FABP9: variants seen among roughly 807,000 people sequenced by gnomAD.
The protein encoded by FABP9 is fatty acid-binding protein 9.
FABP9 carries 11 observed loss-of-function variants against 14.7 expected under a neutral mutation model. The observed-to-expected ratio is 0.75, with a 90% confidence interval of 0.47 to 1.24. The LOEUF (loss-of-function observed/expected upper bound fraction) is 1.24, where lower values mean the gene tolerates loss of function less well. Among genes scored for constraint, FABP9 ranks in the 50% most tolerant of loss-of-function variants. The probability of loss-of-function intolerance (pLI) is 0.00; values close to 1 mark genes in which losing one functional copy is unlikely to be tolerated. For missense variants in FABP9, 171 were observed against 158.2 expected, an observed-to-expected ratio of 1.08 and a Z score of -0.44; for synonymous variants, 54 against 50.6, an observed-to-expected ratio of 1.07 and a Z score of -0.29.
chr8:81,459,357 T>C lies in FABP9; in HGVS notation c.74-20A>G. ...TCACTCCTACAAGACAGAGATAGCC[T>C]TGGACCTTATTAAGACATTGTTAAC... is the stretch of plus-strand genomic sequence containing the variant. On this transcript the variant is annotated intron_variant, in intron 1 of 3. Coordinates refer to ENST00000379071, the MANE Select transcript of FABP9 (RefSeq NM_001080526.2). The C allele has an allele frequency of 6.7e-7, 1 of 1,489,976 alleles. No individual in the cohort carries two copies. The highest frequency in any genetic ancestry group is 8.9e-7 in the Non-Finnish European group (1 of 1,129,280). 92.3% of individuals were successfully genotyped at this position (1,489,976 alleles called of 1,614,324 possible). A position where few individuals can be genotyped will look rare whatever the true frequency, so the allele number is the denominator to read the frequency against.
At chr8:81,459,643 T>C (rs1205262970) in intron 1 of FABP9, among the ~76,000 whole-genome samples, 1 of 152,158 alleles carries the variant, frequency 6.6e-6, no homozygotes, top group Non-Finnish European at 1.5e-5. Context: ...TACGATAACC[T>C]TGTGGGTGCG....
chr8:81,458,839 A>G (rs570246922), intron 2 of FABP9, 136 bp from the exon 3 acceptor site: 6 of 656,854 alleles, frequency 9.1e-6, no homozygotes, highest in African/African-American at 7.4e-5. Context: ...ATGTAGTACT[A>G]TCAAACTAGA....
rs1807627655 is a variant in FABP9 at position 81,458,408 on chromosome 8, C to T, written c.374G>A (p.Ser125Asn). Residue 125 changes from serine to asparagine, a missense_variant, in exon 4 of 4, where the codon AGC becomes AAC. Physicochemically the swap from Ser to Asn is conservative, Grantham distance 46. Coordinates refer to ENST00000379071, the MANE Select transcript of FABP9 (RefSeq NM_001080526.2). ...VVECKMNNIV[S>N]TRIYEKV ...TCACACCTTTTCGTAGATTCTGGTG[C>T]TGACAATATTATTCATTTTACATTC... 6.2e-7 allele frequency: 1 copy of T among 1,612,488 alleles called. No homozygotes were observed. Among genetic ancestry groups the T allele is most frequent in the Non-Finnish European group, 8.5e-7 (1 of 1,178,642 alleles).
rs368687425 is a variant in FABP9, at chr8:81,461,336, T to C, written c.73+115A>G. 27 of 784,934 alleles carry C rather than the reference T, an allele frequency of 3.4e-5. 1 individual carries two copies. Among genetic ancestry groups the C allele is most frequent in the East Asian group, 1.2e-4 (5 of 40,924 alleles). 48.6% of individuals were successfully genotyped at this position (784,934 alleles called of 1,614,324 possible). A position where few individuals can be genotyped will look rare whatever the true frequency, so the allele number is the denominator to read the frequency against. On this transcript the variant is annotated intron_variant, in intron 1 of 3. Coordinates refer to ENST00000379071, the MANE Select transcript of FABP9 (RefSeq NM_001080526.2). ...TAGAAGCATACATTGTGTTAGTCTA[T>C]ATACCCTAGGATCACAAAAGGAAGA...
Position 81,458,380 on chromosome 8 carries a change from T to C in FABP9, c.*3A>G, listed in dbSNP as rs765939965. Reference sequence around the variant, plus strand: ...ACAAGTTTTCATTGCTGTGGACCTTTCTTCACACCTTTTCGTAGATTCTGG... The same window carrying C: ...ACAAGTTTTCATTGCTGTGGACCTTCCTTCACACCTTTTCGTAGATTCTGG... On this transcript the variant is annotated 3_prime_UTR_variant, in exon 4 of 4. Coordinates refer to ENST00000379071, the MANE Select transcript of FABP9 (RefSeq NM_001080526.2). 3.7e-6 allele frequency: 6 copies of C among 1,609,818 alleles called. No homozygotes were observed. Among genetic ancestry groups the C allele is most frequent in the Non-Finnish European group, 5.1e-6 (6 of 1,176,178 alleles).
At chr8:81,458,484 G>A in intron 3 of FABP9, 51 bp from the exon 4 acceptor site, 1 of 1,527,236 alleles carries the variant, frequency 6.5e-7, no homozygotes, top group Non-Finnish European at 9.1e-7. Context: ...GGCTAAACTT[G>A]CCCTGCCCCT....
In FABP9 at chr8:81,461,491, C is replaced by G. The variant is rs200783384; in HGVS notation, c.33G>C (p.Leu11=). MVEPFLGTWK[L]VSSENFEDYM... Reference sequence around the variant, plus strand: ...AATCCTCAAAGTTTTCACTGGAGACCAGCTTCCAGGTTCCCAAGAAGGGCT... The same window carrying G: ...AATCCTCAAAGTTTTCACTGGAGACGAGCTTCCAGGTTCCCAAGAAGGGCT... Residue 11 remains leucine, a synonymous_variant, in exon 1 of 4, where the codon CTG becomes CTC. Transcript: ENST00000379071. 4.3e-6 allele frequency: 7 copies of G among 1,613,638 alleles called. No homozygotes were observed. The highest frequency in any genetic ancestry group is 1.1e-5 in the South Asian group (1 of 91,072).
chr8:81,459,506 T>G (rs895618250), intron 1 of FABP9, among the ~76,000 whole-genome samples, 169 bp from the exon 2 acceptor site: 8 of 152,224 alleles, frequency 5.3e-5, no homozygotes, highest in African/African-American at 1.9e-4. Context: ...CTCCCAGTCA[T>G]AAGGTATATA....
Position 81,458,266 on chromosome 8 carries a change from T to A in FABP9, c.*117A>T, listed in dbSNP as rs1807625411. ...TTCAAAACTGCACTTAATTTGATGC[T>A]TTTATTAAGCAAATTTATATTGAGA... On this transcript the variant is annotated 3_prime_UTR_variant, in exon 4 of 4. Transcript: ENST00000379071. 2.5e-6 allele frequency: 2 copies of A among 789,538 alleles called. No individual in the cohort carries two copies. The highest frequency in any genetic ancestry group is 3.5e-5 in the African/African-American group (2 of 57,658). The allele number at this position is 789,538 out of a possible 1,614,324, so 48.9% of individuals were successfully genotyped here.
chr8:81,459,281 T>A lies in FABP9; in HGVS notation c.130A>T (p.Ser44Cys). The change falls in exon 2 of 4, where the codon AGT becomes TGT. Residue 44 changes from serine (S) to cysteine (C), a missense_variant. By Grantham distance (112) the Ser-to-Cys change is moderately radical (BLOSUM62 -1). Coordinates refer to ENST00000379071, the MANE Select transcript of FABP9 (RefSeq NM_001080526.2). ...AGLVKPTVTI[S>C]VDGKMMTIRT... ...ATGGTCATCATTTTCCCATCAACAC[T>A]AATAGTTACTGTCGGTTTCACTAAC... is the stretch of plus-strand genomic sequence containing the variant. The A allele has an allele frequency of 6.4e-7, 1 of 1,572,928 alleles. No homozygotes were observed. Among genetic ancestry groups the A allele is most frequent in the Non-Finnish European group, 8.6e-7 (1 of 1,166,162 alleles).
At chr8:81,461,362 T>C (rs1201480945) in intron 1 of FABP9, 89 bp downstream of exon 1, 3 of 910,788 alleles carry the variant, frequency 3.3e-6, no homozygotes, top group Non-Finnish European at 1.8e-6. Context: ...AAAAGGAAGA[T>C]AATTGTAGGA....
chr8:81,458,378 T>C lies in FABP9; in HGVS notation c.*5A>G. On this transcript the variant is annotated 3_prime_UTR_variant, in exon 4 of 4. Transcript: ENST00000379071. ...GAACAAGTTTTCATTGCTGTGGACC[T>C]TTCTTCACACCTTTTCGTAGATTCT... The C allele has an allele frequency of 6.2e-7, 1 of 1,608,924 alleles. No homozygotes were observed.
At chr8:81,458,964 A>G (rs1449796668) in intron 2 of FABP9, among the ~76,000 whole-genome samples, 2 of 152,210 alleles carry the variant, frequency 1.3e-5, no homozygotes, top group Non-Finnish European at 1.5e-5. Flanking sequence ...ATAAGAAAAA[A>G]TGAAATGAAA....
In FABP9 at chr8:81,458,585, A is replaced by AT. The variant is rs1482510854; in HGVS notation, c.348+16dup. On this transcript the variant is annotated intron_variant, in intron 3 of 3. Coordinates refer to ENST00000379071, the MANE Select transcript of FABP9 (RefSeq NM_001080526.2). Reference sequence around the variant, plus strand: ...CAAATAGGAACATATAAAGACTTCAATTTAAAGAAAACTTACCACTACCAT... The same window carrying AT: ...CAAATAGGAACATATAAAGACTTCAATTTTAAAGAAAACTTACCACTACCAT... The AT allele has an allele frequency of 6.3e-7, 1 of 1,584,552 alleles. No homozygotes were observed. The highest frequency in any genetic ancestry group is 8.7e-7 in the Non-Finnish European group (1 of 1,153,718).
intron 2 of FABP9, 40 bp from the exon 3 acceptor site, chr8:81,458,743 C>A: frequency 7.6e-7 from 1 of 1,310,518 alleles, no homozygotes; most frequent in Middle Eastern, 1.8e-4. Flanking sequence ...CAACTCACTA[C>A]CTTCTAACCT....
Position 81,458,338 on chromosome 8 carries a change from C to A in FABP9, c.*45G>T, listed in dbSNP as rs376363114. On this transcript the variant is annotated 3_prime_UTR_variant, in exon 4 of 4. Transcript: ENST00000379071. Reference sequence around the variant, plus strand: ...CCTGAGGCATATCTTCTTCAGGTACCAGTTCCTTGTCAGTGAACAAGTTTT... The same window carrying A: ...CCTGAGGCATATCTTCTTCAGGTACAAGTTCCTTGTCAGTGAACAAGTTTT... The A allele has an allele frequency of 4.9e-6, 7 of 1,438,490 alleles. No individual in the cohort carries two copies. The highest frequency in any genetic ancestry group is 2.3e-5 in the East Asian group (1 of 43,942). 89.1% of individuals were successfully genotyped at this position (1,438,490 alleles called of 1,614,324 possible). A position where few individuals can be genotyped will look rare whatever the true frequency, so the allele number is the denominator to read the frequency against.
Position 81,461,553 on chromosome 8 carries a change from G to A in FABP9, c.-30C>T, listed in dbSNP as rs371474263. 29 of 1,572,986 alleles carry A rather than the reference G, an allele frequency of 1.8e-5. 1 individual carries two copies. The highest frequency in any genetic ancestry group is 2.2e-5 in the East Asian group (1 of 44,658). On this transcript the variant is annotated 5_prime_UTR_variant, in exon 1 of 4. It adds an upstream start codon to the 5' untranslated region. Transcript: ENST00000379071. ...GAACACTTGCTGAGAAGAGCCACTC[G>A]TAATTGAAAACCAAAGAAATATAGG... is the stretch of plus-strand genomic sequence containing the variant.
At chr8:81,460,049 G>T (rs988105981) in intron 1 of FABP9, among the ~76,000 whole-genome samples, 1 of 152,022 alleles carries the variant, frequency 6.6e-6, no homozygotes, top group African/African-American at 2.4e-5. Context: ...GCCCAGGCTG[G>T]AGTGCAGTGG....
intron 1 of FABP9, among the ~76,000 whole-genome samples, chr8:81,460,395 C>T (rs2129745937): frequency 6.6e-6 from 1 of 152,258 alleles, no homozygotes; most frequent in African/African-American, 2.4e-5. Flanking sequence ...ATGCCTAAAC[C>T]CAGCTCCCAG....
Sources: gnomAD v4.1 joint callset for allele counts (sites outside exome capture counted in the v4.1 genomes callset) on GRCh38, gnomAD v4.1.1 for gene constraint, MANE v1.5 for transcripts, NCBI Gene and HGNC (gene_info 2026-07-23, HGNC 2026-07-21) for gene names.